The following GRIK2 variants were observed in gnomAD, a reference collection of about 807,000 sequenced individuals.
GRIK2 encodes glutamate receptor ionotropic, kainate 2.
A neutral mutation model predicts 100.3 loss-of-function variants in GRIK2; 32 were observed. The observed-to-expected ratio is 0.32, with a 90% CI of 0.24 to 0.43. The LOEUF (loss-of-function observed/expected upper bound fraction) is 0.43. GRIK2 is among the 20% of genes least tolerant of loss of function. The pLI is 1.00. For missense variants in GRIK2, 843 were observed against 1,114.9 expected, an observed-to-expected ratio of 0.76 and a Z score of 3.47; for synonymous variants, 417 against 389.4, an observed-to-expected ratio of 1.07 and a Z score of -0.83.
intron 11 of GRIK2, among the ~76,000 whole-genome samples, chr6:101,875,373 G>A (rs60631728): frequency 0.076 from 11,484 of 150,984 alleles, 1,126 homozygotes; most frequent in African/African-American, 0.23. Flanking sequence ...ATTTAGAATC[G>A]GAGCATCCTT....
Position 101,487,745 on chromosome 6 carries a change from GC to G in GRIK2, c.115+88354del, listed in dbSNP as rs1464811202. On this transcript the variant is annotated intron_variant, in intron 2 of 16. Transcript: ENST00000369134. ...TTATCAATACTATGTAGTAATTATA[GC>G]TTTTTTGTTCTAGTGTTATGGATAC... 3.4e-5 allele frequency among the ~76,000 whole-genome samples: 5 copies of G among 146,170 alleles called. 1 individual carries two copies. Among genetic ancestry groups the G allele is most frequent in the Non-Finnish European group, 4.5e-5 (3 of 66,506 alleles).
chr6:101,501,605 A>G (rs1773747692), intron 2 of GRIK2, among the ~76,000 whole-genome samples: 2 of 152,190 alleles, frequency 1.3e-5, no homozygotes, highest in Admixed American at 1.3e-4. Flanking sequence ...CATGTCCTAC[A>G]GGTTCTGCAT....
intron 14 of GRIK2, among the ~76,000 whole-genome samples, chr6:101,974,977 G>C (rs1397739540): frequency 6.6e-6 from 1 of 151,854 alleles, no homozygotes; most frequent in Admixed American, 6.6e-5. Context: ...GGGTAAGGTA[G>C]GATCAAGAAG....
At chr6:101,762,505 T>C (rs1284117769) in intron 7 of GRIK2, among the ~76,000 whole-genome samples, 9 of 152,090 alleles carry the variant, frequency 5.9e-5, no homozygotes, top group Non-Finnish European at 1.2e-4. Flanking sequence ...AGTGCAGGGA[T>C]TACACGTGTG....
At chr6:101,415,531 C>T (rs1025736592) in intron 2 of GRIK2, among the ~76,000 whole-genome samples, 2 of 151,996 alleles carry the variant, frequency 1.3e-5, no homozygotes, top group Non-Finnish European at 2.9e-5. Flanking sequence ...CCACCACACC[C>T]GGCTAATTTT....
intron 15 of GRIK2, among the ~76,000 whole-genome samples, chr6:102,049,189 G>A (rs1481664956): frequency 6.6e-6 from 1 of 151,922 alleles, no homozygotes; most frequent in East Asian, 1.9e-4. Flanking sequence ...TGGAGCAATA[G>A]ATGAAAAAGG....
At chr6:101,596,634 G>A (rs1778942646) in intron 2 of GRIK2, among the ~76,000 whole-genome samples, 1 of 151,550 alleles carries the variant, frequency 6.6e-6, no homozygotes, top group Non-Finnish European at 1.5e-5. Flanking sequence ...TTAATTAGTA[G>A]CACCTCATTT....
chr6:101,741,581 C>A (rs1182314540), intron 7 of GRIK2, among the ~76,000 whole-genome samples: 1 of 152,020 alleles, frequency 6.6e-6, no homozygotes, highest in Non-Finnish European at 1.5e-5. Flanking sequence ...TCAGTGGAAA[C>A]GTATGGAAAG....
intron 11 of GRIK2, among the ~76,000 whole-genome samples, chr6:101,880,770 T>C (rs1298364492): frequency 6.6e-6 from 1 of 151,992 alleles, no homozygotes; most frequent in Non-Finnish European, 1.5e-5. Context: ...CATGAACATA[T>C]GAGAATAATA....
At chr6:102,005,310 G>C (rs1795154075) in intron 14 of GRIK2, among the ~76,000 whole-genome samples, 1 of 151,826 alleles carries the variant, frequency 6.6e-6, no homozygotes, top group African/African-American at 2.4e-5. Flanking sequence ...TCAAATAAAA[G>C]ATTAATATAT....
intron 2 of GRIK2, among the ~76,000 whole-genome samples, chr6:101,579,368 G>A (rs1445793477): frequency 6.6e-6 from 1 of 151,888 alleles, no homozygotes; most frequent in East Asian, 1.9e-4. Context: ...CTTCCAAAAT[G>A]CTCTGCAGAC....
intron 12 of GRIK2, among the ~76,000 whole-genome samples, chr6:101,921,406 ATAAT>A (rs963386107): frequency 3.9e-5 from 6 of 152,098 alleles, no homozygotes; most frequent in African/African-American, 1.4e-4. Flanking sequence ...GGGGAAACAA[ATAAT>A]TGTATGAGCA....
chr6:101,662,286 T>C (rs1769685125), intron 4 of GRIK2, among the ~76,000 whole-genome samples: 1 of 152,174 alleles, frequency 6.6e-6, no homozygotes, highest in South Asian at 2.1e-4. Context: ...AAGAAAATAA[T>C]GAAACAGAAA....
chr6:102,014,788 G>A lies in GRIK2; in HGVS notation c.2086-20553G>A, dbSNP rs574450529. Among the ~76,000 whole-genome samples, 41 of 152,200 alleles carry A rather than the reference G, an allele frequency of 2.7e-4. No homozygotes were observed. The South Asian group carries it at 7.5e-3, about 28-fold the overall frequency. On this transcript the variant is annotated intron_variant, in intron 14 of 16. Transcript: ENST00000369134. The stretch of plus-strand genomic sequence containing the variant: ...TTGAATTCTATTTTATTGTGCTGTG[G>A]TCCCTGAGAGTGGTTGGTATGACAG...
Position 101,617,928 on chromosome 6 carries a change from ATATATATATGTGTGTG to A in GRIK2, c.116-4003_116-3988del, listed in dbSNP as rs1344202133. On this transcript the variant is annotated intron_variant, in intron 2 of 16. Coordinates refer to ENST00000369134, the MANE Select transcript of GRIK2 (RefSeq NM_021956.5). ...ACTTATAGGATATAAAGAAAATGTC[ATATATATATGTGTGTG>A]TATATATATGTGTGTGTGTGTTTTG... Among the ~76,000 whole-genome samples, 115 of 151,468 alleles carry A rather than the reference ATATATATATGTGTGTG, an allele frequency of 7.6e-4. 1 individual carries two copies. Among genetic ancestry groups the A allele is most frequent in the African/African-American group, 2.6e-3 (108 of 41,308 alleles).
intron 14 of GRIK2, among the ~76,000 whole-genome samples, chr6:101,968,700 G>C (rs940685702): frequency 4.0e-5 from 6 of 151,854 alleles, no homozygotes; most frequent in Admixed American, 3.3e-4. Flanking sequence ...TGCACTTCTT[G>C]AACTTGGTAA....
At chr6:101,699,567 A>C (rs1356681388) in intron 7 of GRIK2, among the ~76,000 whole-genome samples, 1 of 152,044 alleles carries the variant, frequency 6.6e-6, no homozygotes, top group Admixed American at 6.6e-5. Flanking sequence ...AGTCCCTCAA[A>C]GGTACCCTGG....
chr6:101,790,947 T>G (rs1477536038), intron 7 of GRIK2, among the ~76,000 whole-genome samples: 1 of 152,176 alleles, frequency 6.6e-6, no homozygotes, highest in African/African-American at 2.4e-5. Flanking sequence ...AGGGTGTATA[T>G]GTCGAGGAAT....
At chr6:101,687,560 A>AT (rs1413359446) in intron 7 of GRIK2, among the ~76,000 whole-genome samples, 1 of 151,830 alleles carries the variant, frequency 6.6e-6, no homozygotes, top group Non-Finnish European at 1.5e-5. Flanking sequence ...GGAAAATTTG[A>AT]TTTTTTTATC....
Sources: allele counts gnomAD v4.1 joint callset (sites outside exome capture counted in the v4.1 genomes callset), GRCh38; gene constraint gnomAD v4.1.1; transcripts MANE v1.5; gene names NCBI Gene and HGNC (gene_info 2026-07-23, HGNC 2026-07-21).